Variants in GALNT13 observed in about 807,000 individuals in gnomAD.
GALNT13 encodes UDP-GalNAc:polypeptide N-acetylgalactosaminyltransferase 13.
In GALNT13, 28 loss-of-function variants were observed where a neutral mutation model predicts 64.2. The observed-to-expected ratio is 0.44, with a 90% confidence interval of 0.32 to 0.60. GALNT13 has a LOEUF of 0.60. Ranked by LOEUF, GALNT13 falls within the 20% of genes least tolerant of loss-of-function variation. The probability of loss-of-function intolerance (pLI) is 0.05; values close to 1 mark genes in which losing one functional copy is unlikely to be tolerated. For missense variants in GALNT13, 577 were observed against 669.8 expected (o/e 0.86, Z 1.53); for synonymous variants, 214 against 224.6 (o/e 0.95, Z 0.42).
the GALNT13 span, among the ~76,000 whole-genome samples, chr2:153,795,269 T>C: frequency 6.6e-6 from 1 of 152,230 alleles, no homozygotes; most frequent in East Asian, 1.9e-4. Context: ...GGAAATCTGC[T>C]GAAAATAGAG....
chr2:154,040,937 G>A (rs1229349637), intron 3 of GALNT13, among the ~76,000 whole-genome samples: 1 of 139,746 alleles, frequency 7.2e-6, no homozygotes, highest in Admixed American at 7.2e-5. Flanking sequence ...TACTTTTAAA[G>A]AGAACATCTG....
At chr2:153,883,014 A>G (rs1686886369) in intron 1 of GALNT13, among the ~76,000 whole-genome samples, 1 of 149,378 alleles carries the variant, frequency 6.7e-6, no homozygotes, top group Non-Finnish European at 1.5e-5. Flanking sequence ...AGAGGACCAT[A>G]AAAGAGACAA....
chr2:153,153,979 G>T, the GALNT13 span, among the ~76,000 whole-genome samples: 3 of 151,910 alleles, frequency 2.0e-5, no homozygotes, highest in Non-Finnish European at 2.9e-5. Context: ...TCTATAAATT[G>T]CTTTGAGCAG....
the GALNT13 span, among the ~76,000 whole-genome samples, chr2:153,402,757 A>C: frequency 6.6e-6 from 1 of 151,980 alleles, no homozygotes; most frequent in Non-Finnish European, 1.5e-5. Flanking sequence ...CGTAGTTCTC[A>C]AGCCTTGGTT....
chr2:154,270,830 T>A (rs1212590706), intron 8 of GALNT13, among the ~76,000 whole-genome samples: 1 of 151,810 alleles, frequency 6.6e-6, no homozygotes, highest in Non-Finnish European at 1.5e-5. Flanking sequence ...GGATAGTGGG[T>A]TTCTTGGGTG....
the GALNT13 span, among the ~76,000 whole-genome samples, chr2:153,401,240 A>G: frequency 2.5e-3 from 375 of 150,912 alleles, 5 homozygotes; most frequent in African/African-American, 8.8e-3. Flanking sequence ...GCGCTTTTGA[A>G]TGAGATTCTT....
the GALNT13 span, among the ~76,000 whole-genome samples, chr2:153,162,420 C>T: frequency 1.4e-3 from 212 of 152,232 alleles, 1 homozygote; most frequent in African/African-American, 4.9e-3. Context: ...TTCTAAGGAT[C>T]CTATTCAAAC....
intron 2 of GALNT13, among the ~76,000 whole-genome samples, chr2:153,920,966 C>A (rs756954257): frequency 5.9e-5 from 9 of 152,014 alleles, no homozygotes; most frequent in African/African-American, 9.7e-5. Flanking sequence ...ATTAAAAAGT[C>A]AAAAAATAGC....
intron 9 of GALNT13, among the ~76,000 whole-genome samples, chr2:154,351,029 T>A (rs1409211471): frequency 6.6e-6 from 1 of 152,092 alleles, no homozygotes; most frequent in Non-Finnish European, 1.5e-5. Flanking sequence ...GGCAGGGTAG[T>A]TGGGGACACA....
the GALNT13 span, among the ~76,000 whole-genome samples, chr2:153,103,635 T>C: frequency 6.6e-6 from 1 of 152,244 alleles, no homozygotes; most frequent in African/African-American, 2.4e-5. Flanking sequence ...GGTCTGTCCT[T>C]GGACCCTGGA....
At chr2:154,191,979 G>A (rs920498040) in intron 4 of GALNT13, among the ~76,000 whole-genome samples, 1 of 152,184 alleles carries the variant, frequency 6.6e-6, no homozygotes, top group Non-Finnish European at 1.5e-5. Flanking sequence ...TGGGCTTGGA[G>A]AATGAGTGCA....
intron 4 of GALNT13, among the ~76,000 whole-genome samples, chr2:154,191,321 A>T (rs1356605991): frequency 6.6e-6 from 1 of 152,222 alleles, no homozygotes; most frequent in Non-Finnish European, 1.5e-5. Flanking sequence ...TCCTGAGCAG[A>T]GTAATGGATT....
chr2:153,852,677 C>T, the GALNT13 span, among the ~76,000 whole-genome samples: 1 of 152,154 alleles, frequency 6.6e-6, no homozygotes. Flanking sequence ...AAACATTCCA[C>T]ACAACAACAG....
chr2:153,472,514 T>C, the GALNT13 span, among the ~76,000 whole-genome samples: 2 of 152,158 alleles, frequency 1.3e-5, no homozygotes, highest in Non-Finnish European at 2.9e-5. Context: ...GTACCATCTA[T>C]ACATGAGTGC....
chr2:153,820,772 A>G, the GALNT13 span, among the ~76,000 whole-genome samples: 1 of 151,902 alleles, frequency 6.6e-6, no homozygotes, highest in Admixed American at 6.6e-5. Context: ...ACTTAAGTAT[A>G]TAGCCAACAT....
chr2:153,827,801 A>G, the GALNT13 span, among the ~76,000 whole-genome samples: 1 of 152,158 alleles, frequency 6.6e-6, no homozygotes, highest in Non-Finnish European at 1.5e-5. Flanking sequence ...GTCCAAAGTA[A>G]GTCTAATCTG....
chr2:153,082,660 C>CACACACACAT, the GALNT13 span, among the ~76,000 whole-genome samples: 46 of 90,008 alleles, frequency 5.1e-4, 4 homozygotes, highest in Non-Finnish European at 7.4e-4. Context: ...CACACACACA[C>CACACACACAT]ACACATATAT....
chr2:153,680,668 A>T, the GALNT13 span, among the ~76,000 whole-genome samples: 1 of 151,848 alleles, frequency 6.6e-6, no homozygotes, highest in Non-Finnish European at 1.5e-5. Context: ...AGTCAGTAAG[A>T]GTGATCATGA....
At chr2:153,769,542 A>T in the GALNT13 span, among the ~76,000 whole-genome samples, 4 of 152,076 alleles carry the variant, frequency 2.6e-5, no homozygotes, top group Admixed American at 6.6e-5. Context: ...GGATAGTTTG[A>T]TTATCATATG....
Sources: gnomAD v4.1 joint callset for allele counts (sites outside exome capture counted in the v4.1 genomes callset) on GRCh38, gnomAD v4.1.1 for gene constraint, MANE v1.5 for transcripts, NCBI Gene and HGNC (gene_info 2026-07-23, HGNC 2026-07-21) for gene names.